KSR1: variants seen among roughly 807,000 people sequenced by gnomAD.
KSR1 encodes the protein kinase suppressor of ras 1.
A neutral mutation model predicts 92.9 loss-of-function variants in KSR1; 35 were observed. The observed-to-expected ratio is 0.38, with a 90% CI of 0.29 to 0.50. KSR1 has a LOEUF of 0.50. Ranked by LOEUF, KSR1 falls within the 20% of genes least tolerant of loss-of-function variation. The pLI is 0.94. For missense variants in KSR1, 972 were observed against 1,158.5 expected, an observed-to-expected ratio of 0.84 and a Z score of 2.34; for synonymous variants, 467 against 472.6, an observed-to-expected ratio of 0.99 and a Z score of 0.15.
chr17:27,464,129 T>C (rs1355103218), intron 1 of KSR1, among the ~76,000 whole-genome samples: 1 of 152,176 alleles, frequency 6.6e-6, no homozygotes, highest in Non-Finnish European at 1.5e-5. Context: ...CACTCCATCC[T>C]CCTCTGATTG....
chr17:27,548,825 CAA>C (rs545406045), intron 1 of KSR1, among the ~76,000 whole-genome samples: 5 of 140,104 alleles, frequency 3.6e-5, no homozygotes, highest in Admixed American at 7.2e-5. Context: ...GTGACCATCT[CAA>C]AAAAAAAAAA....
intron 19 of KSR1, among the ~76,000 whole-genome samples, chr17:27,618,865 A>T (rs539161253): frequency 2.5e-4 from 38 of 152,288 alleles, no homozygotes; most frequent in Non-Finnish European, 5.0e-4. Context: ...TCCAAAAAAA[A>T]TTTTTGTATA....
At chr17:27,461,128 C>A (rs2019413664) in intron 1 of KSR1, among the ~76,000 whole-genome samples, 1 of 152,162 alleles carries the variant, frequency 6.6e-6, no homozygotes, top group Non-Finnish European at 1.5e-5. Context: ...GTCGCCCAGG[C>A]TGGAGTACAG....
chr17:27,601,445 C>T (rs746841190), intron 11 of KSR1, 44 bp downstream of exon 11: 11 of 1,562,816 alleles, frequency 7.0e-6, no homozygotes, highest in Non-Finnish European at 9.7e-6. Context: ...TTGCTGTGAC[C>T]CCTTCTGTCC....
intron 1 of KSR1, among the ~76,000 whole-genome samples, chr17:27,537,678 G>A (rs965130215): frequency 3.9e-5 from 6 of 152,112 alleles, no homozygotes; most frequent in African/African-American, 1.2e-4. Flanking sequence ...CAACAAGAAC[G>A]AAACTCCATC....
At chr17:27,569,280 T>C (rs548768537) in intron 2 of KSR1, among the ~76,000 whole-genome samples, 2 of 152,220 alleles carry the variant, frequency 1.3e-5, no homozygotes, top group African/African-American at 4.8e-5. Flanking sequence ...AAAGCTGGAG[T>C]AGCTGTGTGT....
At chr17:27,458,368 G>A (rs1027828823) in intron 1 of KSR1, among the ~76,000 whole-genome samples, 2 of 152,182 alleles carry the variant, frequency 1.3e-5, no homozygotes, top group Admixed American at 1.3e-4. Context: ...CAGAGTGTGC[G>A]TGGTTGGACT....
chr17:27,478,327 C>T (rs548503807), intron 1 of KSR1, among the ~76,000 whole-genome samples: 2 of 152,202 alleles, frequency 1.3e-5, no homozygotes, highest in Admixed American at 1.3e-4. Context: ...TGCTGTGGAC[C>T]CTTCTTACCT....
At chr17:27,538,371 C>T (rs984221943) in intron 1 of KSR1, among the ~76,000 whole-genome samples, 2 of 152,204 alleles carry the variant, frequency 1.3e-5, no homozygotes, top group African/African-American at 4.8e-5. Context: ...ATGGCCACTG[C>T]AGCTTGTCTG....
At chr17:27,465,962 T>G (rs2019674877) in intron 1 of KSR1, among the ~76,000 whole-genome samples, 1 of 152,242 alleles carries the variant, frequency 6.6e-6, no homozygotes, top group South Asian at 2.1e-4. Flanking sequence ...AAAGGCTCAG[T>G]GCAGCCTTTC....
At chr17:27,462,632 T>G (rs2019500906) in intron 1 of KSR1, among the ~76,000 whole-genome samples, 1 of 152,252 alleles carries the variant, frequency 6.6e-6, no homozygotes, top group Non-Finnish European at 1.5e-5. Flanking sequence ...CCTGTCTTAT[T>G]CTTTCTGAAC....
chr17:27,476,745 A>G (rs1597842772), intron 1 of KSR1, among the ~76,000 whole-genome samples: 1 of 152,166 alleles, frequency 6.6e-6, no homozygotes, highest in East Asian at 1.9e-4. Flanking sequence ...ACTGCAGCAC[A>G]CATGTAAGGC....
chr17:27,565,607 T>C (rs2072031240), intron 2 of KSR1, among the ~76,000 whole-genome samples: 2 of 152,144 alleles, frequency 1.3e-5, no homozygotes, highest in African/African-American at 4.8e-5. Context: ...GTATTTTTGG[T>C]AGAGACAGGC....
rs530009377 is a variant in KSR1, at chr17:27,558,834, C to T, written c.372+8126C>T. On this transcript the variant is annotated intron_variant, in intron 2 of 20. Coordinates refer to ENST00000644974, the MANE Select transcript of KSR1 (RefSeq NM_001394583.1). ...CTGAAGATGATCTGCCCAGGGCTGC[C>T]CCCTGAGGCTTCCTGGGGGAACTTT... 2.6e-5 allele frequency among the ~76,000 whole-genome samples: 4 copies of T among 152,102 alleles called. No homozygotes were observed. In the South Asian group the frequency reaches 8.3e-4, roughly 32 times the overall value.
At chr17:27,471,301 A>G (rs1423208755) in intron 1 of KSR1, among the ~76,000 whole-genome samples, 5 of 152,196 alleles carry the variant, frequency 3.3e-5, no homozygotes, top group African/African-American at 1.2e-4. Flanking sequence ...CACATGCCAA[A>G]CAGACAGACG....
intron 1 of KSR1, among the ~76,000 whole-genome samples, chr17:27,496,609 C>T (rs773645503): frequency 6.6e-6 from 1 of 152,156 alleles, no homozygotes; most frequent in Non-Finnish European, 1.5e-5. Flanking sequence ...TCTGAGAACG[C>T]AGGAATTGGG....
chr17:27,464,565 A>G (rs1357307366), intron 1 of KSR1, among the ~76,000 whole-genome samples: 1 of 152,072 alleles, frequency 6.6e-6, no homozygotes. Context: ...TACAAAAAAT[A>G]AAATATTAGC....
intron 1 of KSR1, among the ~76,000 whole-genome samples, chr17:27,530,510 G>T (rs1016975631): frequency 1.2e-4 from 19 of 152,100 alleles, no homozygotes; most frequent in Non-Finnish European, 2.5e-4. Flanking sequence ...TAGTGGTGAG[G>T]CTGGGCATGG....
chr17:27,556,249 C>T (rs544375997), intron 2 of KSR1, among the ~76,000 whole-genome samples: 1 of 152,334 alleles, frequency 6.6e-6, no homozygotes, highest in East Asian at 1.9e-4. Context: ...GGGTCTCGCT[C>T]TGTTGCCCAG....
Sources: allele counts gnomAD v4.1 joint callset (sites outside exome capture counted in the v4.1 genomes callset), GRCh38; gene constraint gnomAD v4.1.1; transcripts MANE v1.5; gene names NCBI Gene and HGNC (gene_info 2026-07-23, HGNC 2026-07-21).